LMO7: variants seen among roughly 807,000 people sequenced by gnomAD.
LMO7 encodes the protein LIM domain only protein 7.
Under a neutral mutation model 206.5 loss-of-function variants are expected in LMO7, and 120 were observed. The ratio of observed to expected loss-of-function variants is 0.58; its 90% CI spans 0.50 to 0.68. The LOEUF (loss-of-function observed/expected upper bound fraction) is 0.68, where lower values mean the gene tolerates loss of function less well. LMO7 is among the 30% of genes least tolerant of loss of function. The pLI is 0.00. For synonymous variants in LMO7, 706 were observed against 681.5 expected (o/e 1.04, Z -0.56); for missense variants, 1,959 against 1,957.9 (o/e 1.00, Z -0.01).
chr13:75,633,110 G>A (rs1000052381), upstream of LMO7, among the ~76,000 whole-genome samples: 11 of 152,046 alleles, frequency 7.2e-5, no homozygotes, highest in South Asian at 2.1e-4. Flanking sequence ...TGACCCGCCC[G>A]CCTCGGCCTC....
chr13:75,664,361 C>G (rs1256373785), intron 1 of LMO7, among the ~76,000 whole-genome samples: 1 of 152,124 alleles, frequency 6.6e-6, no homozygotes, highest in Non-Finnish European at 1.5e-5. Flanking sequence ...ATGACAGTGT[C>G]TTGTTCTTTT....
chr13:75,681,712 ATATATG>A (rs1282509516), intron 1 of LMO7, among the ~76,000 whole-genome samples: 62 of 110,086 alleles, frequency 5.6e-4, no homozygotes, highest in Admixed American at 1.2e-3. Context: ...ATGTGTATAT[ATATATG>A]TATATATATA....
chr13:75,678,234 G>T (rs551155630), intron 1 of LMO7, among the ~76,000 whole-genome samples: 60 of 152,280 alleles, frequency 3.9e-4, no homozygotes, highest in Non-Finnish European at 7.9e-4. Flanking sequence ...TTCCACAATG[G>T]TTGAACTAGT....
At chr13:75,623,341 C>T in intron 2 of LMO7, 1 of 1,299,492 alleles carries the variant, frequency 7.7e-7, no homozygotes, top group South Asian at 1.2e-5. Flanking sequence ...TCTGTATTTT[C>T]TAAGGCAGAA....
chr13:75,652,335 C>T (rs1332307832), intron 1 of LMO7, among the ~76,000 whole-genome samples: 1 of 152,130 alleles, frequency 6.6e-6, no homozygotes, highest in East Asian at 1.9e-4. Flanking sequence ...ACCTGTTGCC[C>T]CTAGATGCTG....
At chr13:75,643,507 G>A (rs972262361) in intron 1 of LMO7, among the ~76,000 whole-genome samples, 3 of 152,162 alleles carry the variant, frequency 2.0e-5, no homozygotes, top group Admixed American at 6.5e-5. Flanking sequence ...CAATAAAAAG[G>A]TTGGCCTATT....
chr13:75,773,014 T>A (rs1164834113), intron 4 of LMO7, among the ~76,000 whole-genome samples: 1 of 151,332 alleles, frequency 6.6e-6, no homozygotes, highest in South Asian at 2.1e-4. Context: ...CATGATGGAG[T>A]GAGAGTTTAA....
Position 75,735,252 on chromosome 13 carries a change from C to A in LMO7, c.210+8154C>A, listed in dbSNP as rs116709289. On this transcript the variant is annotated intron_variant, in intron 3 of 30. Transcript: ENST00000377534. ...GCTGTGACTCTACTTGTCCCACCCCCACTCACCCCCTCTTCAGGAGGAGAG... is the reference window on the plus strand; with the variant it reads ...GCTGTGACTCTACTTGTCCCACCCCAACTCACCCCCTCTTCAGGAGGAGAG... Among the ~76,000 whole-genome samples the A allele has an allele frequency of 4.8e-3, 734 of 151,960 alleles. 7 individuals are homozygous for A. The highest frequency in any genetic ancestry group is 0.017 in the African/African-American group (687 of 41,400).
chr13:75,779,205 A>C lies in LMO7; in HGVS notation c.318-16196A>C, dbSNP rs115100689. Among the ~76,000 whole-genome samples the C allele has an allele frequency of 5.4e-3, 829 of 152,210 alleles. 8 individuals are homozygous for C. Among genetic ancestry groups the C allele is most frequent in the African/African-American group, 0.019 (777 of 41,548 alleles). On this transcript the variant is annotated intron_variant, in intron 4 of 30. Coordinates refer to ENST00000377534, the MANE Select transcript of LMO7 (RefSeq NM_001306080.2). ...GGCTTGAGGATTAGGTGATGCATGC[A>C]CTTAAGAACTTATCAAACTTTAAAT...
At position 75,821,567 on chromosome 13, in the gene LMO7, C is replaced by T; in HGVS notation, c.2598C>T (p.Gly866=). The change falls in exon 14 of 31, where the codon GGC becomes GGT. Residue 866 remains glycine (G), a synonymous_variant. Transcript: ENST00000377534. ...LTSVVTPRPF[G]SQTRGISSLP... Reference sequence around the variant, plus strand: ...CTGTGGTCACACCAAGACCCTTTGGCTCTCAGACAAGGGGAATCTCATCAC... The same window carrying T: ...CTGTGGTCACACCAAGACCCTTTGGTTCTCAGACAAGGGGAATCTCATCAC... The T allele has an allele frequency of 6.2e-7, 1 of 1,613,862 alleles. No homozygotes were observed.
At chr13:75,652,973 T>A (rs868750747) in intron 1 of LMO7, among the ~76,000 whole-genome samples, 1 of 152,112 alleles carries the variant, frequency 6.6e-6, no homozygotes, top group Non-Finnish European at 1.5e-5. Context: ...GTACAAGTAG[T>A]CATGATAAAC....
At chr13:75,637,325 T>C (rs1294387018) in intron 1 of LMO7, among the ~76,000 whole-genome samples, 1 of 152,096 alleles carries the variant, frequency 6.6e-6, no homozygotes, top group Non-Finnish European at 1.5e-5. Flanking sequence ...TCGGCTTTGA[T>C]GAGACTGAGA....
chr13:75,793,432 C>G (rs548196262), intron 4 of LMO7, among the ~76,000 whole-genome samples: 1 of 152,080 alleles, frequency 6.6e-6, no homozygotes, highest in Non-Finnish European at 1.5e-5. Context: ...CCCACCACCA[C>G]GCCTGGCTAA....
At chr13:75,644,317 A>G (rs887919609) in intron 1 of LMO7, among the ~76,000 whole-genome samples, 1 of 152,136 alleles carries the variant, frequency 6.6e-6, no homozygotes, top group African/African-American at 2.4e-5. Flanking sequence ...AAAATAATTT[A>G]CTCAAGGAAA....
intron 17 of LMO7, 77 bp from the exon 18 acceptor site, chr13:75,835,156 G>C (rs1566578259): frequency 6.3e-7 from 1 of 1,580,600 alleles, no homozygotes; most frequent in African/African-American, 1.4e-5. Context: ...AATCAGACTG[G>C]GGCAAAGACC....
intron 3 of LMO7, among the ~76,000 whole-genome samples, chr13:75,730,469 G>A (rs1284672374): frequency 2.6e-5 from 4 of 152,126 alleles, no homozygotes; most frequent in East Asian, 1.9e-4. Flanking sequence ...GGGATCAGTG[G>A]TGATATCCCC....
intron 1 of LMO7, among the ~76,000 whole-genome samples, chr13:75,684,434 G>A (rs1489286890): frequency 2.0e-5 from 3 of 151,702 alleles, no homozygotes; most frequent in Non-Finnish European, 2.9e-5. Context: ...CAGTAGAGAC[G>A]CGGTTTCTCC....
intron 15 of LMO7, among the ~76,000 whole-genome samples, chr13:75,826,543 T>C (rs1000157482): frequency 1.3e-5 from 2 of 152,164 alleles, no homozygotes; most frequent in African/African-American, 4.8e-5. Flanking sequence ...TTCGTGGCGC[T>C]CAGGGAAGCA....
intron 1 of LMO7, among the ~76,000 whole-genome samples, chr13:75,704,009 T>C (rs544873877): frequency 6.6e-6 from 1 of 152,334 alleles, no homozygotes; most frequent in South Asian, 2.1e-4. Context: ...TTATGGAATT[T>C]ATTATAAAAA....
Sources: allele counts gnomAD v4.1 joint callset (sites outside exome capture counted in the v4.1 genomes callset), GRCh38; gene constraint gnomAD v4.1.1; transcripts MANE v1.5; gene names NCBI Gene and HGNC (gene_info 2026-07-23, HGNC 2026-07-21).